Variants in NBAS observed in about 807,000 individuals in gnomAD.
The protein encoded by NBAS is NAG/BC035112 fusion.
Under a neutral mutation model 302.5 loss-of-function variants are expected in NBAS, and 219 were observed. The ratio of observed to expected loss-of-function variants is 0.72; its 90% confidence interval spans 0.65 to 0.81. The LOEUF is 0.81. Among genes scored for constraint, NBAS ranks in the 30% least tolerant of loss-of-function variants. NBAS has a pLI of 0.00. For synonymous variants in NBAS, 1,118 were observed against 1,021.6 expected (o/e 1.09, Z -1.80); for missense variants, 2,932 against 2,841.6 (o/e 1.03, Z -0.72).
chr2:14,839,410 A>C, the NBAS span, among the ~76,000 whole-genome samples: 1 of 152,064 alleles, frequency 6.6e-6, no homozygotes, highest in African/African-American at 2.4e-5. Context: ...CACAGGAAGA[A>C]TCCAGAGTGA....
chr2:14,902,016 A>G, the NBAS span, among the ~76,000 whole-genome samples: 21 of 152,182 alleles, frequency 1.4e-4, no homozygotes, highest in African/African-American at 5.1e-4. Context: ...TTTATGAGTC[A>G]CTCAAGCTGT....
In NBAS at chr2:15,415,688, T is replaced by C. The variant is rs148467664; in HGVS notation, c.2795A>G (p.Tyr932Cys). The C allele has an allele frequency of 2.2e-5, 35 of 1,614,076 alleles. No individual in the cohort carries two copies. The Admixed American group carries it at 4.5e-4, about 21-fold the overall frequency. Residue 932 changes from tyrosine to cysteine, a missense_variant, in exon 25 of 52, where the codon TAC becomes TGC. Transcript: ENST00000281513. ...ATGAAGAAAGGGAACCATCCACTGG[T>C]AGGCACTTGTCACATATTTATCCTC... ...CSEDKYVTSAYQWMVPFLHRC... is the reference protein window; with the variant it reads ...CSEDKYVTSACQWMVPFLHRC...
intron 48 of NBAS, among the ~76,000 whole-genome samples, chr2:15,193,902 T>C (rs1179106400): frequency 2.6e-5 from 4 of 151,642 alleles, no homozygotes; most frequent in African/African-American, 4.8e-5. Context: ...AAAGAGACAG[T>C]GAAGGGAAAA....
At chr2:14,983,447 G>A in the NBAS span, among the ~76,000 whole-genome samples, 1 of 152,312 alleles carries the variant, frequency 6.6e-6, no homozygotes, top group South Asian at 2.1e-4. Context: ...TATTTCTAAA[G>A]TGAGCATGAT....
At chr2:15,141,417 G>C in the NBAS span, among the ~76,000 whole-genome samples, 1 of 152,228 alleles carries the variant, frequency 6.6e-6, no homozygotes, top group Non-Finnish European at 1.5e-5. Flanking sequence ...GGCTCAGGCA[G>C]ATTCGTGGTC....
intron 32 of NBAS, among the ~76,000 whole-genome samples, chr2:15,359,380 T>G (rs1185567605): frequency 3.3e-5 from 5 of 152,324 alleles, no homozygotes; most frequent in Middle Eastern, 6.8e-3. Flanking sequence ...ATTTTCCCCT[T>G]TGAGTGTTCT....
intron 48 of NBAS, among the ~76,000 whole-genome samples, chr2:15,194,544 C>T (rs1292747072): frequency 6.6e-6 from 1 of 152,100 alleles, no homozygotes; most frequent in African/African-American, 2.4e-5. Flanking sequence ...ATCTTAAATA[C>T]TGGCTAAACA....
At chr2:14,940,669 T>A in the NBAS span, among the ~76,000 whole-genome samples, 227 of 152,298 alleles carry the variant, frequency 1.5e-3, no homozygotes, top group African/African-American at 4.6e-3. Flanking sequence ...AACAACACAA[T>A]GCCTCCCACT....
In NBAS at chr2:15,287,058, G is replaced by C. The variant is rs2148090184; in HGVS notation, c.5138+15C>G. The stretch of plus-strand genomic sequence containing the variant: ...AAGACATGGAAACAAACGTACATAT[G>C]AACTGTGTGCTTACCCACTGTCCGT... On this transcript the variant is annotated intron_variant, in intron 42 of 51. Transcript: ENST00000281513. The C allele has an allele frequency of 6.4e-7, 1 of 1,558,606 alleles. No homozygotes were observed. Among genetic ancestry groups the C allele is most frequent in the East Asian group, 2.2e-5 (1 of 44,610 alleles).
At chr2:14,893,058 T>C in the NBAS span, among the ~76,000 whole-genome samples, 1 of 152,200 alleles carries the variant, frequency 6.6e-6, no homozygotes, top group African/African-American at 2.4e-5. Context: ...TTTAAATATT[T>C]ATTGATTATT....
intron 15 of NBAS, among the ~76,000 whole-genome samples, 171 bp from the exon 16 acceptor site, chr2:15,473,518 G>A (rs183356826): frequency 3.3e-5 from 5 of 152,166 alleles, no homozygotes; most frequent in African/African-American, 9.7e-5. Context: ...GAAAGATCTC[G>A]TGTTTCTTTC....
chr2:15,075,400 C>T, the NBAS span, among the ~76,000 whole-genome samples: 1 of 152,190 alleles, frequency 6.6e-6, no homozygotes, highest in African/African-American at 2.4e-5. Flanking sequence ...CCCAGAAGCA[C>T]ATCAGAGAAA....
At chr2:15,512,916 C>T (rs1462744495) in intron 9 of NBAS, among the ~76,000 whole-genome samples, 3 of 152,132 alleles carry the variant, frequency 2.0e-5, no homozygotes. Context: ...AGTCCCAAAA[C>T]TCAGATGACC....
chr2:15,532,488 C>CAAAAAAAAAAAAA (rs896529713), intron 9 of NBAS, among the ~76,000 whole-genome samples: 2 of 47,770 alleles, frequency 4.2e-5, no homozygotes, highest in African/African-American at 1.1e-4. Flanking sequence ...GACTCCATCT[C>CAAAAAAAAAAAAA]AAAAAAAAAA....
At chr2:15,507,490 T>A (rs999470336) in intron 10 of NBAS, among the ~76,000 whole-genome samples, 1 of 152,208 alleles carries the variant, frequency 6.6e-6, no homozygotes, top group Non-Finnish European at 1.5e-5. Context: ...TCTTAAAAAC[T>A]CAGACAACAA....
Position 15,402,303 on chromosome 2 carries a change from T to C in NBAS, c.2938-2A>G. The C allele has an allele frequency of 1.2e-6, 2 of 1,613,054 alleles. No individual in the cohort carries two copies. The highest frequency in any genetic ancestry group is 1.7e-6 in the Non-Finnish European group (2 of 1,179,244). On this transcript the variant is annotated splice_acceptor_variant, in intron 25 of 51. Transcript: ENST00000281513. LOFTEE classifies it high-confidence loss of function. ...ATCAGGAATAATTTTTTGCTGCAGCTACAGAAAATAAAGTATGTTGTACTA... is the reference window on the plus strand; with the variant it reads ...ATCAGGAATAATTTTTTGCTGCAGCCACAGAAAATAAAGTATGTTGTACTA...
intron 41 of NBAS, among the ~76,000 whole-genome samples, chr2:15,288,124 G>T (rs952242971): frequency 6.6e-6 from 1 of 152,244 alleles, no homozygotes; most frequent in Non-Finnish European, 1.5e-5. Flanking sequence ...ACAATCAAAA[G>T]ATAGTGCATC....
chr2:15,425,129 T>C (rs1677405998), intron 22 of NBAS, among the ~76,000 whole-genome samples: 1 of 150,020 alleles, frequency 6.7e-6, no homozygotes, highest in Admixed American at 6.7e-5. Context: ...TTAACGAGAA[T>C]GATCATGGCC....
intron 28 of NBAS, among the ~76,000 whole-genome samples, chr2:15,388,135 A>C (rs948735140): frequency 5.3e-5 from 8 of 152,240 alleles, no homozygotes; most frequent in African/African-American, 1.9e-4. Flanking sequence ...TGATTCTTCC[A>C]ATCTATAAAC....
Sources: gnomAD v4.1 joint callset for allele counts (sites outside exome capture counted in the v4.1 genomes callset) on GRCh38, gnomAD v4.1.1 for gene constraint, MANE v1.5 for transcripts, NCBI Gene and HGNC (gene_info 2026-07-23, HGNC 2026-07-21) for gene names.